Variants in RAB2A observed in about 807,000 individuals in gnomAD.
RAB2A encodes RAB2A, member RAS oncogene family, also known as ras-related protein Rab-2A.
A neutral mutation model predicts 32.5 loss-of-function variants in RAB2A; 7 were observed. That is an observed-to-expected ratio of 0.22 (90% CI 0.12 to 0.40). RAB2A has a LOEUF of 0.40. RAB2A is among the 10% of genes least tolerant of loss of function. RAB2A has a pLI of 1.00. For missense variants in RAB2A, 108 were observed against 260.7 expected (o/e 0.41, Z 4.03); for synonymous variants, 79 against 85.2 (o/e 0.93, Z 0.40).
At chr8:60,531,073 C>T (rs1238387764) in intron 1 of RAB2A, among the ~76,000 whole-genome samples, 1 of 152,172 alleles carries the variant, frequency 6.6e-6, no homozygotes, top group Admixed American at 6.5e-5. Context: ...TTTTTTTCCC[C>T]TAGCTTTACA....
intron 5 of RAB2A, among the ~76,000 whole-genome samples, chr8:60,587,655 A>G (rs556599710): frequency 3.3e-5 from 5 of 152,224 alleles, no homozygotes; most frequent in Admixed American, 6.5e-5. Flanking sequence ...ACAAAAAACG[A>G]TAACTGTGAG....
At chr8:60,575,338 T>C (rs186139592) in intron 3 of RAB2A, among the ~76,000 whole-genome samples, 34 of 152,208 alleles carry the variant, frequency 2.2e-4, no homozygotes, top group South Asian at 8.3e-4. Context: ...CTTATTTTCA[T>C]TGACTTTCTT....
At chr8:60,532,488 A>G (rs1341508118) in intron 1 of RAB2A, among the ~76,000 whole-genome samples, 2 of 152,172 alleles carry the variant, frequency 1.3e-5, no homozygotes, top group Non-Finnish European at 2.9e-5. Flanking sequence ...TGTGTTGAAG[A>G]AATTCTACTG....
At chr8:60,534,295 C>T (rs1807525550) in intron 1 of RAB2A, among the ~76,000 whole-genome samples, 1 of 152,044 alleles carries the variant, frequency 6.6e-6, no homozygotes, top group African/African-American at 2.4e-5. Flanking sequence ...ACCCCGTTTT[C>T]CAAATGAAAA....
upstream of RAB2A, chr8:60,516,946 G>T: frequency 2.7e-6 from 1 of 363,730 alleles, no homozygotes; most frequent in Non-Finnish European, 5.0e-6. Flanking sequence ...AGAACTTCCG[G>T]GTCGGCGCGG....
At chr8:60,533,134 A>C (rs994646505) in intron 1 of RAB2A, among the ~76,000 whole-genome samples, 1 of 152,240 alleles carries the variant, frequency 6.6e-6, no homozygotes, top group African/African-American at 2.4e-5. Flanking sequence ...CAATATCCAC[A>C]CATGTCTAAA....
chr8:60,561,980 C>G (rs1197623166), intron 2 of RAB2A, among the ~76,000 whole-genome samples: 1 of 152,204 alleles, frequency 6.6e-6, no homozygotes. Flanking sequence ...CTTGCTTTCT[C>G]TCTTACTTTT....
chr8:60,550,523 A>C (rs1232783043), intron 1 of RAB2A, among the ~76,000 whole-genome samples: 1 of 151,954 alleles, frequency 6.6e-6, no homozygotes. Context: ...AACTGGGACT[A>C]AGGTGTGCAC....
chr8:60,590,674 A>G (rs1803928015), intron 5 of RAB2A, among the ~76,000 whole-genome samples: 1 of 150,572 alleles, frequency 6.6e-6, no homozygotes, highest in African/African-American at 2.4e-5. Context: ...CCTTATAGAG[A>G]ATTTAAGTTG....
At chr8:60,538,670 CTAT>C (rs1807593525) in intron 1 of RAB2A, among the ~76,000 whole-genome samples, 1 of 152,162 alleles carries the variant, frequency 6.6e-6, no homozygotes, top group Admixed American at 6.5e-5. Flanking sequence ...TGCTCAGCTT[CTAT>C]GGTGTGTGTG....
intron 1 of RAB2A, among the ~76,000 whole-genome samples, chr8:60,551,619 A>G (rs1010901047): frequency 2.0e-5 from 3 of 152,294 alleles, no homozygotes; most frequent in East Asian, 3.9e-4. Context: ...TGACTTAGCA[A>G]TTTTTCAACT....
At chr8:60,571,094 A>G (rs1426710122) in intron 2 of RAB2A, among the ~76,000 whole-genome samples, 1 of 152,146 alleles carries the variant, frequency 6.6e-6, no homozygotes, top group Non-Finnish European at 1.5e-5. Flanking sequence ...ATTATCTCCT[A>G]TTTTTCTACT....
At chr8:60,610,486 T>C (rs889511448) in intron 6 of RAB2A, among the ~76,000 whole-genome samples, 2 of 152,226 alleles carry the variant, frequency 1.3e-5, no homozygotes, top group Non-Finnish European at 2.9e-5. Context: ...GAAGGCTTTG[T>C]TTCCCCCTTA....
intron 6 of RAB2A, among the ~76,000 whole-genome samples, chr8:60,595,390 T>C (rs1760442320): frequency 6.6e-6 from 1 of 152,204 alleles, no homozygotes. Context: ...ATGTCAGATG[T>C]AAGCCCTCAT....
intron 1 of RAB2A, among the ~76,000 whole-genome samples, chr8:60,547,286 C>T (rs79028182): frequency 6.6e-6 from 1 of 152,210 alleles, no homozygotes; most frequent in Admixed American, 6.5e-5. Flanking sequence ...AAAGTCTCCC[C>T]TGTCTACCTC....
intron 1 of RAB2A, among the ~76,000 whole-genome samples, chr8:60,544,531 G>A (rs1363006956): frequency 7.0e-6 from 1 of 141,876 alleles, no homozygotes; most frequent in Non-Finnish European, 1.5e-5. Flanking sequence ...AAGTAGGAAT[G>A]CTATTTTTTT....
chr8:60,615,047 A>G (rs1200761426), intron 6 of RAB2A, among the ~76,000 whole-genome samples: 1 of 152,216 alleles, frequency 6.6e-6, no homozygotes. Context: ...AACAAATGAA[A>G]TCATTTGACA....
intron 1 of RAB2A, among the ~76,000 whole-genome samples, chr8:60,550,650 G>T (rs1807831530): frequency 6.6e-6 from 1 of 152,132 alleles, no homozygotes; most frequent in African/African-American, 2.4e-5. Context: ...GCCTCCCAAA[G>T]TGCTAGGGAA....
At chr8:60,570,495 G>C (rs1401922461) in intron 2 of RAB2A, among the ~76,000 whole-genome samples, 3 of 151,952 alleles carry the variant, frequency 2.0e-5, no homozygotes, top group Non-Finnish European at 4.4e-5. Context: ...TCATTAATGG[G>C]TTTTGTGTAT....
Sources: gnomAD v4.1 joint callset for allele counts (sites outside exome capture counted in the v4.1 genomes callset) on GRCh38, gnomAD v4.1.1 for gene constraint, MANE v1.5 for transcripts, NCBI Gene and HGNC (gene_info 2026-07-23, HGNC 2026-07-21) for gene names.